Variants in PRKCG observed in about 807,000 individuals in gnomAD.
PRKCG encodes the protein protein kinase C gamma type.
A neutral mutation model predicts 82.0 loss-of-function variants in PRKCG; 28 were observed. The observed-to-expected ratio is 0.34, with a 90% CI of 0.25 to 0.47. The LOEUF is 0.47. Among genes scored for constraint, PRKCG ranks in the 20% least tolerant of loss-of-function variants. The probability of loss-of-function intolerance (pLI) is 1.00; values close to 1 mark genes in which losing one functional copy is unlikely to be tolerated. For synonymous variants in PRKCG, 383 were observed against 376.6 expected (o/e 1.02, Z -0.20); for missense variants, 640 against 952.7 (o/e 0.67, Z 4.32).
In PRKCG at chr19:53,889,851, G is replaced by T; in HGVS notation, c.398-35G>T. 1 of 1,570,854 alleles carries T rather than the reference G, an allele frequency of 6.4e-7. No homozygotes were observed. Among genetic ancestry groups the T allele is most frequent in the Non-Finnish European group, 8.6e-7 (1 of 1,158,798 alleles). ...GGGGTGGAGTCTTGGCTTGGGGGCGGGGCCTGAGGTGCTACCCGCAGCTTT... is the reference window on the plus strand; with the variant it reads ...GGGGTGGAGTCTTGGCTTGGGGGCGTGGCCTGAGGTGCTACCCGCAGCTTT... On this transcript the variant is annotated intron_variant, in intron 4 of 17. Coordinates refer to ENST00000263431, the MANE Select transcript of PRKCG (RefSeq NM_002739.5). The surrounding 1 kb of genome is among the most constrained non-coding windows in gnomAD (Gnocchi z 4.4).
At position 53,890,051 on chromosome 19, in the gene PRKCG, C is replaced by G. The variant is rs975269926; in HGVS notation, c.529+34C>G. 4.5e-6 allele frequency: 7 copies of G among 1,542,526 alleles called. No homozygotes were observed. In the Admixed American group the frequency reaches 1.2e-4, roughly 26 times the overall value. ...CCGCCCCCTCGCCTGGCCCCGCCCC[C>G]TCCCCAAGTGTGAGGCGGGGCTGAC... On this transcript the variant is annotated intron_variant, in intron 5 of 17. Coordinates refer to ENST00000263431, the MANE Select transcript of PRKCG (RefSeq NM_002739.5).
At chr19:53,894,938 C>T (rs1479514790) in intron 9 of PRKCG, among the ~76,000 whole-genome samples, 5 of 152,116 alleles carry the variant, frequency 3.3e-5, no homozygotes, top group South Asian at 4.1e-4. Flanking sequence ...CCTGGCACAG[C>T]CTGAGTCAGA....
In PRKCG at chr19:53,900,394, C is replaced by A; in HGVS notation, c.1374-25C>A. The A allele has an allele frequency of 1.2e-6, 2 of 1,614,096 alleles. No individual in the cohort carries two copies. The highest frequency in any genetic ancestry group is 1.7e-6 in the Non-Finnish European group (2 of 1,179,990). On this transcript the variant is annotated intron_variant, in intron 12 of 17. Transcript: ENST00000263431. This position sits in a 1 kb window ranked among gnomAD's most constrained non-coding sequence, Gnocchi z 4.2. Reference sequence around the variant, plus strand: ...CAGGATCCAGCCACTGACCTTCTGACGTCCCCACCCACCCCGTCCTCCAGG... The same window carrying A: ...CAGGATCCAGCCACTGACCTTCTGAAGTCCCCACCCACCCCGTCCTCCAGG...
rs1221913734 is a variant in PRKCG at position 53,906,466 on chromosome 19, C to A, written c.1905+9C>A. Reference sequence around the variant, plus strand: ...CTTTCAGACCCCGCCCGGTCAGTCACCCTCCAGGCAACAAAAACCTGGTCC... The same window carrying A: ...CTTTCAGACCCCGCCCGGTCAGTCAACCTCCAGGCAACAAAAACCTGGTCC... On this transcript the variant is annotated intron_variant, in intron 17 of 17. Coordinates refer to ENST00000263431, the MANE Select transcript of PRKCG (RefSeq NM_002739.5). 1 of 1,573,532 alleles carries A rather than the reference C, an allele frequency of 6.4e-7. No homozygotes were observed. Among genetic ancestry groups the A allele is most frequent in the Non-Finnish European group, 8.6e-7 (1 of 1,158,668 alleles).
At chr19:53,898,840 AGGCGGAGGGGCTCAACGGAGGCGAGGCCG>A in intron 11 of PRKCG, among the ~76,000 whole-genome samples, 1 of 29,134 alleles carries the variant, frequency 3.4e-5, no homozygotes, top group Admixed American at 5.2e-4. Context: ...GGGCGTGGCC[AGGCGGAGGGGCTCAACGGAGGCGAGGCCG>A]GGTGGAGGGG....
Position 53,887,497 on chromosome 19 carries a change from CAAAAAAAAAAAAAAAAAAAAA to C in PRKCG, c.286-2123_286-2103del, listed in dbSNP as rs71189894. 9.5e-4 allele frequency among the ~76,000 whole-genome samples: 14 copies of C among 14,674 alleles called. No individual in the cohort carries two copies. The East Asian group carries it at 0.022, about 23-fold the overall frequency. 9.6% of individuals were successfully genotyped at this position (14,674 alleles called of 152,430 possible). A position where few individuals can be genotyped will look rare whatever the true frequency, so the allele number is the denominator to read the frequency against. On this transcript the variant is annotated intron_variant, in intron 3 of 17. Coordinates refer to ENST00000263431, the MANE Select transcript of PRKCG (RefSeq NM_002739.5). ...GGGCAGCAAGAACAAAACTCTGTCT[CAAAAAAAAAAAAAAAAAAAAA>C]AAAAAAAAAAAAAAAAAGGTAACAT...
At position 53,906,800 on chromosome 19, in the gene PRKCG, C is replaced by A; in HGVS notation, c.1999C>A (p.Gln667Lys). ...PDRLVLASID[Q>K]ADFQGFTYVN... ...CCGCCTAGTCCTGGCCAGCATCGAC[C>A]AGGCCGATTTCCAGGGCTTCACCTA... is the stretch of plus-strand genomic sequence containing the variant. Residue 667 changes from glutamine to lysine, a missense_variant, in exon 18 of 18, where the codon CAG becomes AAG. Coordinates refer to ENST00000263431, the MANE Select transcript of PRKCG (RefSeq NM_002739.5). 1 of 1,613,768 alleles carries A rather than the reference C, an allele frequency of 6.2e-7. No individual in the cohort carries two copies.
chr19:53,891,378 G>A (rs1382968196), intron 5 of PRKCG, among the ~76,000 whole-genome samples: 2 of 151,162 alleles, frequency 1.3e-5, no homozygotes, highest in Admixed American at 6.6e-5. Flanking sequence ...CTGGGTTCAC[G>A]TCATTCTCCC....
At position 53,884,286 on chromosome 19, in the gene PRKCG, C is replaced by G. The variant is rs1022924695; in HGVS notation, c.285+43C>G. 9 of 1,559,236 alleles carry G rather than the reference C, an allele frequency of 5.8e-6. No individual in the cohort carries two copies. In the African/African-American group the frequency reaches 1.2e-4, roughly 21 times the overall value. Reference sequence around the variant, plus strand: ...TGGTTCTCCTCCTCGGGCCGTGCCCCCGCCCTCACCCCCTCGGCGTCCGTC... The same window carrying G: ...TGGTTCTCCTCCTCGGGCCGTGCCCGCGCCCTCACCCCCTCGGCGTCCGTC... On this transcript the variant is annotated intron_variant, in intron 3 of 17. Transcript: ENST00000263431. This position sits in a 1 kb window ranked among gnomAD's most constrained non-coding sequence, Gnocchi z 4.6.
intron 9 of PRKCG, among the ~76,000 whole-genome samples, chr19:53,896,117 G>A (rs1237345358): frequency 6.6e-6 from 1 of 151,684 alleles, no homozygotes; most frequent in African/African-American, 2.4e-5. Context: ...CCAGCGGGAG[G>A]ACATTCTGAG....
At chr19:53,890,998 C>T (rs1437760325) in intron 5 of PRKCG, among the ~76,000 whole-genome samples, 12 of 151,940 alleles carry the variant, frequency 7.9e-5, no homozygotes, top group African/African-American at 2.7e-4. Context: ...GTGATCCGCC[C>T]GCCTCCGCCT....
Position 53,884,211 on chromosome 19 carries a change from T to C in PRKCG, c.253T>C (p.Cys85Arg). ...RRCHEFVTFE[C>R]PGAGKGPQTD... ...ATGCCACGAATTTGTGACCTTCGAG[T>C]GTCCAGGCGCTGGGAAGGGCCCCCA... Residue 85 changes from cysteine to arginine, a missense_variant, in exon 3 of 18, where the codon TGT becomes CGT. By Grantham distance (180) the Cys-to-Arg change is radical. Transcript: ENST00000263431. The surrounding 1 kb of genome is among the most constrained non-coding windows in gnomAD (Gnocchi z 4.6). 1 of 1,614,126 alleles carries C rather than the reference T, an allele frequency of 6.2e-7. No homozygotes were observed. Among genetic ancestry groups the C allele is most frequent in the Non-Finnish European group, 8.5e-7 (1 of 1,180,042 alleles).
In PRKCG at chr19:53,892,406, G is replaced by A. The variant is rs1207498321; in HGVS notation, c.687-103G>A. The A allele has an allele frequency of 6.6e-7, 1 of 1,515,146 alleles. No homozygotes were observed. The highest frequency in any genetic ancestry group is 8.9e-7 in the Non-Finnish European group (1 of 1,127,706). 93.9% of individuals were successfully genotyped at this position (1,515,146 alleles called of 1,614,324 possible). A position where few individuals can be genotyped will look rare whatever the true frequency, so the allele number is the denominator to read the frequency against. On this transcript the variant is annotated intron_variant, in intron 6 of 17. Transcript: ENST00000263431. This position sits in a 1 kb window ranked among gnomAD's most constrained non-coding sequence, Gnocchi z 5.9. The stretch of plus-strand genomic sequence containing the variant: ...CGGAGACCGACAAAGCAGGAGAGGA[G>A]CCCCAGCTGGCTGGGTTTGCCCCCA...
At chr19:53,896,015 G>A (rs2068715298) in intron 9 of PRKCG, among the ~76,000 whole-genome samples, 1 of 151,096 alleles carries the variant, frequency 6.6e-6, no homozygotes, top group South Asian at 2.1e-4. Flanking sequence ...AGCCGAGATC[G>A]TGCCACTGCA....
Position 53,893,016 on chromosome 19 carries a change from G to A in PRKCG, c.850G>A (p.Glu284Lys). 1 of 1,614,026 alleles carries A rather than the reference G, an allele frequency of 6.2e-7. No homozygotes were observed. Among genetic ancestry groups the A allele is most frequent in the Non-Finnish European group, 8.5e-7 (1 of 1,180,014 alleles). The change falls in exon 8 of 18, where the codon GAG (glutamate) becomes AAG (lysine). Residue 284 changes from glutamate (E) to lysine (K), a missense_variant. This residue lies in a region of PRKCG where 261 missense variants were observed against 312.1 expected (regional missense o/e 0.84). Coordinates refer to ENST00000263431, the MANE Select transcript of PRKCG (RefSeq NM_002739.5). ...CAAGTTACTGAACCAGGAGGAGGGC[G>A]AGTATTACAATGTGCCGGTGGCCGA... ...WYKLLNQEEG[E>K]YYNVPVADAD...
In PRKCG at chr19:53,907,043, C is replaced by A; in HGVS notation, c.*148C>A. ...CTGCCCCCGCGGGTTCTAGACGCCC[C>A]TCCCAAGCGTTCCTGGCCTTCTGAA... On this transcript the variant is annotated 3_prime_UTR_variant, in exon 18 of 18. Coordinates refer to ENST00000263431, the MANE Select transcript of PRKCG (RefSeq NM_002739.5). 6.6e-7 allele frequency: 1 copy of A among 1,520,586 alleles called. No homozygotes were observed. The highest frequency in any genetic ancestry group is 8.8e-7 in the Non-Finnish European group (1 of 1,135,058). The allele number at this position is 1,520,586 out of a possible 1,614,324, so 94.2% of individuals were successfully genotyped here.
In PRKCG at chr19:53,884,671, G is replaced by C. The variant is rs1208977317; in HGVS notation, c.285+428G>C. Among the ~76,000 whole-genome samples the C allele has an allele frequency of 6.6e-6, 1 of 152,114 alleles. No individual in the cohort carries two copies. The highest frequency in any genetic ancestry group is 1.5e-5 in the Non-Finnish European group (1 of 68,004). On this transcript the variant is annotated intron_variant, in intron 3 of 17. Coordinates refer to ENST00000263431, the MANE Select transcript of PRKCG (RefSeq NM_002739.5). This position sits in a 1 kb window ranked among gnomAD's most constrained non-coding sequence, Gnocchi z 4.6. ...TAGGAGAGACTGAAGCTGAGGCAGA[G>C]AGAGAGAGAGATGGAGCAGAGAAAG...
intron 11 of PRKCG, 22 bp downstream of exon 11, chr19:53,898,650 G>C (rs2068735586): frequency 1.3e-6 from 2 of 1,555,180 alleles, no homozygotes; most frequent in Non-Finnish European, 1.7e-6. Flanking sequence ...GGGGGCGGAG[G>C]CTGTCCTCCG....
chr19:53,891,896 C>G, intron 6 of PRKCG, 66 bp downstream of exon 6: 1 of 1,605,926 alleles, frequency 6.2e-7, no homozygotes, highest in South Asian at 1.1e-5. Context: ...CCTAGTGGCC[C>G]CCAGAGAGCA....
Sources: gnomAD v4.1 joint callset for allele counts (sites outside exome capture counted in the v4.1 genomes callset) on GRCh38, gnomAD v4.1.1 for gene constraint, gnomAD v4.1.1 regional missense constraint, Gnocchi (gnomAD v3.1) non-coding constraint, MANE v1.5 for transcripts, NCBI Gene and HGNC (gene_info 2026-07-23, HGNC 2026-07-21) for gene names.